Variants in PALLD observed in about 807,000 individuals in gnomAD.
The protein encoded by PALLD is palladin, cytoskeletal associated protein.
A neutral mutation model predicts 123.5 loss-of-function variants in PALLD; 61 were observed. That is an observed-to-expected ratio of 0.49 (90% CI 0.40 to 0.61). The LOEUF is 0.61. PALLD is among the 20% of genes least tolerant of loss of function. PALLD has a pLI of 0.00. For synonymous variants in PALLD, 465 were observed against 496.4 expected (o/e 0.94, Z 0.84); for missense variants, 1,273 against 1,377.0 (o/e 0.92, Z 1.20).
At chr4:168,748,073 G>A (rs750840475) in intron 10 of PALLD, among the ~76,000 whole-genome samples, 1 of 152,156 alleles carries the variant, frequency 6.6e-6, no homozygotes, top group Non-Finnish European at 1.5e-5. Flanking sequence ...GAAAATGTTA[G>A]CATATTGACA....
At chr4:168,711,206 A>G (rs1002757789) in intron 9 of PALLD, among the ~76,000 whole-genome samples, 1 of 152,252 alleles carries the variant, frequency 6.6e-6, no homozygotes, top group African/African-American at 2.4e-5. Context: ...GAGTAGTGAC[A>G]GCTAGGATGT....
intron 10 of PALLD, among the ~76,000 whole-genome samples, chr4:168,839,817 A>C (rs970671813): frequency 1.3e-5 from 2 of 152,190 alleles, no homozygotes; most frequent in Non-Finnish European, 2.9e-5. Flanking sequence ...ATGGTAATTT[A>C]AGCCTTGGGA....
chr4:168,831,773 A>G (rs11734793), intron 10 of PALLD, among the ~76,000 whole-genome samples: 73,515 of 152,154 alleles, frequency 0.48, 19,868 homozygotes, highest in Non-Finnish European at 0.62. Flanking sequence ...AGCCGACAAC[A>G]TATCTATGGG....
chr4:168,655,438 C>G (rs530377869), intron 2 of PALLD, among the ~76,000 whole-genome samples: 1 of 152,148 alleles, frequency 6.6e-6, no homozygotes, highest in Non-Finnish European at 1.5e-5. Flanking sequence ...CATTTGAACA[C>G]CATTAGATTA....
intron 13 of PALLD, chr4:168,898,109 C>T (rs1371907691): frequency 7.1e-6 from 2 of 283,670 alleles, no homozygotes; most frequent in African/African-American, 2.2e-5. Flanking sequence ...TACCACCCTG[C>T]ATCAGCTTTT....
intron 15 of PALLD, among the ~76,000 whole-genome samples, chr4:168,908,660 T>A (rs1758307905): frequency 6.6e-6 from 1 of 152,146 alleles, no homozygotes; most frequent in South Asian, 2.1e-4. Flanking sequence ...AAAAAGTATT[T>A]GGGTTTGAAA....
rs1425800174 is a variant in PALLD, at chr4:168,512,294, G to A, written c.790G>A (p.Ala264Thr). ...CAAGTCTCACCCACAGCCCCACAGC[G>A]CCCTCCACTTCCCAGCTGCACCTCG... ...NRKSHPQPHS[A>T]LHFPAAPRFI... is the part of the protein sequence containing the mutation. The change falls in exon 2 of 22, where the codon GCC becomes ACC. Residue 264 changes from alanine to threonine, a missense_variant. By Grantham distance (58) the Ala-to-Thr change is moderately conservative. This residue lies in a region of PALLD where 944 missense variants were observed against 954.5 expected (regional missense o/e 0.99). Coordinates refer to ENST00000505667, the MANE Select transcript of PALLD (RefSeq NM_001166108.2). 22 of 1,613,998 alleles carry A rather than the reference G, an allele frequency of 1.4e-5. No individual in the cohort carries two copies. The highest frequency in any genetic ancestry group is 8.9e-5 in the East Asian group (4 of 44,880).
At chr4:168,817,502 G>A (rs1581624751) in intron 10 of PALLD, among the ~76,000 whole-genome samples, 2 of 152,314 alleles carry the variant, frequency 1.3e-5, no homozygotes, top group Admixed American at 1.3e-4. Context: ...TGAAAAAGAT[G>A]TCAAAAGAGG....
chr4:168,610,890 AC>A (rs1190230123), intron 2 of PALLD, among the ~76,000 whole-genome samples: 4 of 152,202 alleles, frequency 2.6e-5, no homozygotes, highest in African/African-American at 7.2e-5. Flanking sequence ...CTCCATGGGT[AC>A]AGGGTGACCT....
At chr4:168,925,912 T>G (rs1762495926) in intron 21 of PALLD, among the ~76,000 whole-genome samples, 1 of 152,032 alleles carries the variant, frequency 6.6e-6, no homozygotes, top group Admixed American at 6.6e-5. Flanking sequence ...GGGATGAGAA[T>G]TAGGAAGCTT....
intron 2 of PALLD, among the ~76,000 whole-genome samples, chr4:168,524,511 GA>G (rs1763864031): frequency 6.6e-6 from 1 of 152,084 alleles, no homozygotes; most frequent in African/African-American, 2.4e-5. Flanking sequence ...GGGCACATGA[GA>G]TTTTTTTGAT....
intron 2 of PALLD, chr4:168,536,611 G>A (rs1203283173): frequency 6.6e-6 from 1 of 152,200 alleles, no homozygotes; most frequent in Non-Finnish European, 1.5e-5. Flanking sequence ...AAGGCAGGAA[G>A]AAATGTCAAG....
intron 2 of PALLD, among the ~76,000 whole-genome samples, chr4:168,622,973 G>GC (rs1331530850): frequency 6.6e-6 from 1 of 152,174 alleles, no homozygotes; most frequent in African/African-American, 2.4e-5. Flanking sequence ...TGCTTCAACA[G>GC]CATTAACATT....
At chr4:168,761,473 T>C (rs1732812609) in intron 10 of PALLD, among the ~76,000 whole-genome samples, 1 of 152,044 alleles carries the variant, frequency 6.6e-6, no homozygotes, top group Non-Finnish European at 1.5e-5. Flanking sequence ...TTGGGAATTT[T>C]TTTTCTGAGA....
intron 10 of PALLD, among the ~76,000 whole-genome samples, chr4:168,846,148 C>T (rs1483874612): frequency 6.6e-6 from 1 of 151,752 alleles, no homozygotes; most frequent in African/African-American, 2.4e-5. Flanking sequence ...CTTTGCTCAA[C>T]CCTAAGCCCA....
chr4:168,732,114 G>A (rs1054550537), intron 10 of PALLD, among the ~76,000 whole-genome samples: 1 of 152,136 alleles, frequency 6.6e-6, no homozygotes, highest in Admixed American at 6.5e-5. Context: ...TTCTGAATTC[G>A]CTGCATCTCA....
chr4:168,660,283 T>C (rs892812836), intron 2 of PALLD, among the ~76,000 whole-genome samples: 3 of 152,172 alleles, frequency 2.0e-5, no homozygotes, highest in African/African-American at 7.2e-5. Flanking sequence ...CCCCTTGATT[T>C]TAATTATCCT....
At position 168,844,339 on chromosome 4, in the gene PALLD, C is replaced by T. The variant is rs1296029394; in HGVS notation, c.1965-46583C>T. On this transcript the variant is annotated intron_variant, in intron 10 of 21. Transcript: ENST00000505667. The surrounding 1 kb of genome is among the most constrained non-coding windows in gnomAD (Gnocchi z 4.5). ...CATATTCAGTGATGCTGGTTATTTA[C>T]AAAGTATTTTATCTACATTCTGTAT... is the stretch of plus-strand genomic sequence containing the variant. The T allele has an allele frequency of 6.6e-6, 1 of 152,190 alleles. No individual in the cohort carries two copies. Among genetic ancestry groups the T allele is most frequent in the Non-Finnish European group, 1.5e-5 (1 of 68,044 alleles). 9.4% of individuals were successfully genotyped at this position (152,190 alleles called of 1,614,324 possible).
At chr4:168,716,650 C>A (rs1237895620) in intron 10 of PALLD, among the ~76,000 whole-genome samples, 4 of 152,182 alleles carry the variant, frequency 2.6e-5, no homozygotes, top group Admixed American at 2.6e-4. Context: ...CCTATAAAAT[C>A]ATTCATATTG....
Sources: gnomAD v4.1 joint callset for allele counts (sites outside exome capture counted in the v4.1 genomes callset) on GRCh38, gnomAD v4.1.1 for gene constraint, gnomAD v4.1.1 regional missense constraint, Gnocchi (gnomAD v3.1) non-coding constraint, MANE v1.5 for transcripts, NCBI Gene and HGNC (gene_info 2026-07-23, HGNC 2026-07-21) for gene names.